Variants in SLC28A1 observed in about 807,000 individuals in gnomAD.
The protein encoded by SLC28A1 is solute carrier family 28 member 1.
Under a neutral mutation model 74.8 loss-of-function variants are expected in SLC28A1, and 64 were observed. The observed-to-expected ratio is 0.86, with a 90% CI of 0.70 to 1.05. The LOEUF (loss-of-function observed/expected upper bound fraction) is 1.05, where lower values mean the gene tolerates loss of function less well. Among genes scored for constraint, SLC28A1 ranks in the 50% least tolerant of loss-of-function variants. SLC28A1 has a pLI of 0.00. For synonymous variants in SLC28A1, 359 were observed against 335.0 expected, an observed-to-expected ratio of 1.07 and a Z score of -0.78; for missense variants, 828 against 822.8, an observed-to-expected ratio of 1.01 and a Z score of -0.08.
chr15:84,888,954 G>T (rs1434524848), intron 4 of SLC28A1, 94 bp downstream of exon 4: 1 of 871,590 alleles, frequency 1.1e-6, no homozygotes, highest in Non-Finnish European at 1.9e-6. Flanking sequence ...TGGGAGTTGG[G>T]GGGACGTGAA....
intron 4 of SLC28A1, among the ~76,000 whole-genome samples, chr15:84,890,125 G>A (rs577548574): frequency 9.3e-5 from 7 of 74,990 alleles, no homozygotes; most frequent in South Asian, 7.4e-4. Flanking sequence ...GTGAGCCACC[G>A]CGCCCCCCCA....
chr15:84,894,966 T>G lies in SLC28A1; in HGVS notation c.304T>G (p.Cys102Gly), dbSNP rs1308338649. ...TGLSAFLLVA[C>G]LLDFQRALAL... Reference sequence around the variant, plus strand: ...GCTCTCTGCCTTCCTGCTGGTGGCCTGCCTCCTGGATTTCCAGAGGGCCCT... The same window carrying G: ...GCTCTCTGCCTTCCTGCTGGTGGCCGGCCTCCTGGATTTCCAGAGGGCCCT... Residue 102 changes from cysteine (C) to glycine (G), a missense_variant, in exon 6 of 19, where the codon TGC becomes GGC. Around this residue, in one of 3 missense-constraint regions of SLC28A1, gnomAD observed 767 missense variants for 753.5 expected, o/e 1.02. Coordinates refer to ENST00000394573, the MANE Select transcript of SLC28A1 (RefSeq NM_004213.5). The G allele has an allele frequency of 6.2e-7, 1 of 1,614,166 alleles. No individual in the cohort carries two copies. Among genetic ancestry groups the G allele is most frequent in the Admixed American group, 1.7e-5 (1 of 60,026 alleles).
intron 4 of SLC28A1, among the ~76,000 whole-genome samples, chr15:84,889,659 TCTTTCCTTCCTTCC>T (rs1965056119): frequency 4.5e-5 from 6 of 132,902 alleles, no homozygotes; most frequent in East Asian, 2.3e-4. Flanking sequence ...CTTTTTCTTT[TCTTTCCTTCCTTCC>T]TTCTTTCCTT....
chr15:84,895,252 G>C, intron 6 of SLC28A1, 129 bp downstream of exon 6: 2 of 1,574,446 alleles, frequency 1.3e-6, no homozygotes, highest in Non-Finnish European at 1.7e-6. Context: ...TGGCGCCCCA[G>C]GGCAGGAGCC....
chr15:84,935,389 G>A lies in SLC28A1; in HGVS notation c.1452G>A (p.Val484=). 1 of 1,614,204 alleles carries A rather than the reference G, an allele frequency of 6.2e-7. No individual in the cohort carries two copies. Among genetic ancestry groups the A allele is most frequent in the South Asian group, 1.1e-5 (1 of 91,082 alleles). ...GTGTGGCGTGGGAGGACTGCCCAGT[G>A]GTAGCTGAGCTGCTGGGGATCAAGC... ...LMGVAWEDCP[V]VAELLGIKLF... is the part of the protein sequence containing the mutation. The change falls in exon 15 of 19, where the codon GTG becomes GTA. Residue 484 remains valine, a synonymous_variant. Transcript: ENST00000394573.
intron 15 of SLC28A1, among the ~76,000 whole-genome samples, chr15:84,935,852 T>A (rs927823614): frequency 3.3e-5 from 5 of 151,634 alleles, no homozygotes; most frequent in African/African-American, 1.2e-4. Flanking sequence ...GACTGCCACA[T>A]CTACTCCAAA....
intron 15 of SLC28A1, among the ~76,000 whole-genome samples, chr15:84,936,582 A>C (rs1971969814): frequency 6.6e-6 from 1 of 152,170 alleles, no homozygotes; most frequent in Non-Finnish European, 1.5e-5. Context: ...AGTATAGTGG[A>C]TTCAGTGCAG....
At position 84,912,574 on chromosome 15, in the gene SLC28A1, G is replaced by A. The variant is rs545225713; in HGVS notation, c.795+3779G>A. 4.1e-4 allele frequency among the ~76,000 whole-genome samples: 62 copies of A among 152,030 alleles called. No homozygotes were observed. In the South Asian group the frequency reaches 0.012, roughly 29 times the overall value. ...TCTCCCTTCTAGTAACTTTCCACCC[G>A]CATGATCATACTCCCCTGGGTCTGG... On this transcript the variant is annotated intron_variant, in intron 9 of 18. Transcript: ENST00000394573.
chr15:84,910,317 T>C (rs1354992571), intron 9 of SLC28A1, among the ~76,000 whole-genome samples: 2 of 152,220 alleles, frequency 1.3e-5, no homozygotes, highest in African/African-American at 4.8e-5. Context: ...CTCCCTTACC[T>C]TTGCATAACC....
intron 9 of SLC28A1, among the ~76,000 whole-genome samples, chr15:84,918,276 G>T (rs1353769561): frequency 6.6e-6 from 1 of 152,146 alleles, no homozygotes; most frequent in African/African-American, 2.4e-5. Context: ...GCTGAGGAGA[G>T]GGGGTGGTCT....
In SLC28A1 at chr15:84,916,061, C is replaced by T. The variant is rs1018567725; in HGVS notation, c.796-2463C>T. Among the ~76,000 whole-genome samples the T allele has an allele frequency of 3.3e-5, 5 of 151,754 alleles. No homozygotes were observed. The South Asian group carries it at 6.3e-4, about 19-fold the overall frequency. On this transcript the variant is annotated intron_variant, in intron 9 of 18. Coordinates refer to ENST00000394573, the MANE Select transcript of SLC28A1 (RefSeq NM_004213.5). ...CACTGCAACCTCTGCCTCCCGGGTTCAAGCGATTCTCATGCCTCAGCCTTC... is the reference window on the plus strand; with the variant it reads ...CACTGCAACCTCTGCCTCCCGGGTTTAAGCGATTCTCATGCCTCAGCCTTC...
the SLC28A1 span, among the ~76,000 whole-genome samples, chr15:84,955,936 TC>T: frequency 6.6e-6 from 1 of 152,098 alleles, no homozygotes; most frequent in Non-Finnish European, 1.5e-5. Context: ...CCCAACTTCC[TC>T]CTTCCCTCTC....
At chr15:84,895,828 TTGA>T (rs1229602778) in intron 6 of SLC28A1, 9 of 1,090,198 alleles carry the variant, frequency 8.3e-6, no homozygotes, top group African/African-American at 1.6e-5. Flanking sequence ...CTCTATTTTG[TTGA>T]TGAAGAAGCT....
chr15:84,912,103 G>A (rs1968344732), intron 9 of SLC28A1, among the ~76,000 whole-genome samples: 1 of 152,150 alleles, frequency 6.6e-6, no homozygotes, highest in Non-Finnish European at 1.5e-5. Flanking sequence ...CCAGGAAAGA[G>A]GAAGGAGGAC....
chr15:84,903,607 C>T (rs1040306319), intron 6 of SLC28A1, among the ~76,000 whole-genome samples: 3 of 152,156 alleles, frequency 2.0e-5, no homozygotes, highest in African/African-American at 7.2e-5. Context: ...TCCTTGGTCT[C>T]AGGTGCTCAG....
At chr15:84,896,520 A>T (rs1339754251) in intron 6 of SLC28A1, among the ~76,000 whole-genome samples, 3 of 152,190 alleles carry the variant, frequency 2.0e-5, no homozygotes, top group African/African-American at 7.2e-5. Context: ...TGCTTTAGAA[A>T]ATGGTTAGGC....
intron 7 of SLC28A1, 47 bp from the exon 8 acceptor site, chr15:84,905,492 C>A (rs750548486): frequency 1.5e-6 from 2 of 1,348,950 alleles, no homozygotes; most frequent in Non-Finnish European, 2.1e-6. Flanking sequence ...GCTCCCTGCC[C>A]ATCCCTCAAG....
Position 84,918,563 on chromosome 15 carries a change from G to T in SLC28A1, c.835G>T (p.Val279Phe), listed in dbSNP as rs17215975. 2 of 1,613,766 alleles carry T rather than the reference G, an allele frequency of 1.2e-6. No homozygotes were observed. The highest frequency in any genetic ancestry group is 1.7e-6 in the Non-Finnish European group (2 of 1,179,888). The change falls in exon 10 of 19, where the codon GTT (valine) becomes TTT (phenylalanine). Residue 279 changes from valine (V) to phenylalanine (F), a missense_variant. Physicochemically the swap from Val to Phe is conservative, Grantham distance 50. Coordinates refer to ENST00000394573, the MANE Select transcript of SLC28A1 (RefSeq NM_004213.5). Reference sequence around the variant, plus strand: ...TGTCTTTTTCAGCTGTGTCATATCCGTTCTCTACCACGTGGGCCTCATGCA... The same window carrying T: ...TGTCTTTTTCAGCTGTGTCATATCCTTTCTCTACCACGTGGGCCTCATGCA... ...IIVFFSCVIS[V>F]LYHVGLMQWV...
chr15:84,922,456 C>A (rs1261621337), intron 11 of SLC28A1, among the ~76,000 whole-genome samples: 1 of 152,174 alleles, frequency 6.6e-6, no homozygotes, highest in Non-Finnish European at 1.5e-5. Flanking sequence ...TCCTCCGCTT[C>A]CCCCACTGCG....
Sources: gnomAD v4.1 joint callset for allele counts (sites outside exome capture counted in the v4.1 genomes callset) on GRCh38, gnomAD v4.1.1 for gene constraint, gnomAD v4.1.1 regional missense constraint, MANE v1.5 for transcripts, NCBI Gene and HGNC (gene_info 2026-07-23, HGNC 2026-07-21) for gene names.